RNF6: variants seen among roughly 807,000 people sequenced by gnomAD.
RNF6 encodes the protein ring finger protein 6.
RNF6 carries 21 observed loss-of-function variants against 50.1 expected under a neutral mutation model. The ratio of observed to expected loss-of-function variants is 0.42; its 90% CI spans 0.30 to 0.60. The LOEUF is 0.60. RNF6 is among the 20% of genes least tolerant of loss of function. The pLI is 0.20. For missense variants in RNF6, 698 were observed against 838.2 expected (o/e 0.83, Z 2.07); for synonymous variants, 255 against 291.8 (o/e 0.87, Z 1.29).
intron 5 of RNF6, among the ~76,000 whole-genome samples, chr13:26,194,946 G>A (rs1868597111): frequency 6.6e-6 from 1 of 152,166 alleles, no homozygotes; most frequent in Non-Finnish European, 1.5e-5. Flanking sequence ...GGACTCAAAT[G>A]TTAATCTCCT....
intron 5 of RNF6, among the ~76,000 whole-genome samples, chr13:26,187,788 A>G (rs1873626522): frequency 6.6e-6 from 1 of 152,112 alleles, no homozygotes; most frequent in Non-Finnish European, 1.5e-5. Context: ...CAGTGGTGCA[A>G]TCTTAGCTCA....
chr13:26,211,705 C>G (rs1032098172), downstream of RNF6, among the ~76,000 whole-genome samples: 4 of 151,906 alleles, frequency 2.6e-5, no homozygotes, highest in African/African-American at 9.7e-5. Context: ...TTGCAGCGAG[C>G]CGAGATAGTG....
At position 26,221,345 on chromosome 13, in the gene RNF6, G is replaced by A. The variant is rs1369432355; in HGVS notation, c.-101-15C>T. ...GAGCTGCCCATCTGAAGCAATAAAA[G>A]AGAGTTGAATAATTCAATAAACTGT... On this transcript the variant is annotated splice_polypyrimidine_tract_variant and intron_variant, in intron 1 of 4. Transcript: ENST00000381588. 7 of 152,298 alleles carry A rather than the reference G, an allele frequency of 4.6e-5. No homozygotes were observed. The East Asian group carries it at 9.6e-4, about 21-fold the overall frequency. The allele number at this position is 152,298 out of a possible 1,614,324, so 9.4% of individuals were successfully genotyped here. A position where few individuals can be genotyped will look rare whatever the true frequency, so the allele number is the denominator to read the frequency against.
At chr13:26,160,389 A>G (rs142582599) in intron 5 of RNF6, among the ~76,000 whole-genome samples, 1 of 151,934 alleles carries the variant, frequency 6.6e-6, no homozygotes, top group Admixed American at 6.6e-5. Context: ...TTCTTCTACT[A>G]CCTATTTTTT....
In RNF6 at chr13:26,219,177, G is replaced by A. The variant is rs771348592; in HGVS notation, c.193+280C>T. ...TTTATTTGTATAAAAATTACAAATAGGACCATATATGTAAATACTTAACAC... is the reference window on the plus strand; with the variant it reads ...TTTATTTGTATAAAAATTACAAATAAGACCATATATGTAAATACTTAACAC... On this transcript the variant is annotated intron_variant, in intron 3 of 4. Coordinates refer to ENST00000381588, the MANE Select transcript of RNF6 (RefSeq NM_005977.4). 4 of 246,438 alleles carry A rather than the reference G, an allele frequency of 1.6e-5. No homozygotes were observed. In the East Asian group the frequency reaches 3.2e-4, roughly 20 times the overall value. The allele number at this position is 246,438 out of a possible 1,614,324, so 15.3% of individuals were successfully genotyped here.
chr13:26,200,105 C>A (rs1868839195), intron 5 of RNF6, among the ~76,000 whole-genome samples: 1 of 152,218 alleles, frequency 6.6e-6, no homozygotes, highest in Admixed American at 6.5e-5. Context: ...ACTTCCCGAC[C>A]TCCAGAACTG....
chr13:26,199,733 A>G (rs1868822270), intron 5 of RNF6, among the ~76,000 whole-genome samples: 1 of 152,192 alleles, frequency 6.6e-6, no homozygotes, highest in Non-Finnish European at 1.5e-5. Flanking sequence ...ATGGGGTAAA[A>G]TGGGCAAGGA....
At chr13:26,141,265 TA>T (rs1451186305) in intron 5 of RNF6, among the ~76,000 whole-genome samples, 1 of 151,848 alleles carries the variant, frequency 6.6e-6, no homozygotes, top group Non-Finnish European at 1.5e-5. Flanking sequence ...CCATCTCTAC[TA>T]AAAATACAAA....
At chr13:26,194,423 T>C (rs1329840868) in intron 5 of RNF6, among the ~76,000 whole-genome samples, 1 of 152,138 alleles carries the variant, frequency 6.6e-6, no homozygotes, top group Non-Finnish European at 1.5e-5. Flanking sequence ...TCCAGAGGCA[T>C]AGGCTCGCTA....
intron 5 of RNF6, among the ~76,000 whole-genome samples, chr13:26,132,994 C>T (rs1335703257): frequency 6.6e-6 from 1 of 152,082 alleles, no homozygotes; most frequent in Non-Finnish European, 1.5e-5. Flanking sequence ...AGAGATCAGA[C>T]TTTGAAAACC....
At chr13:26,218,653 T>C in intron 3 of RNF6, 47 bp from the exon 4 acceptor site, 2 of 1,433,068 alleles carry the variant, frequency 1.4e-6, no homozygotes, top group Non-Finnish European at 9.8e-7. Flanking sequence ...AATTAAGTTT[T>C]ATGAGACCTC....
At chr13:26,149,533 G>T (rs1871442088) in intron 5 of RNF6, among the ~76,000 whole-genome samples, 1 of 151,822 alleles carries the variant, frequency 6.6e-6, no homozygotes, top group Non-Finnish European at 1.5e-5. Context: ...CTTGCAGTGA[G>T]CCGAAATTGT....
At chr13:26,173,353 A>C (rs544989186) in intron 5 of RNF6, among the ~76,000 whole-genome samples, 1 of 152,340 alleles carries the variant, frequency 6.6e-6, no homozygotes, top group East Asian at 1.9e-4. Context: ...AACCCACATA[A>C]AATCATATAG....
At chr13:26,176,034 T>G (rs1872942588) in intron 5 of RNF6, among the ~76,000 whole-genome samples, 1 of 152,140 alleles carries the variant, frequency 6.6e-6, no homozygotes, top group Non-Finnish European at 1.5e-5. Flanking sequence ...ATCAACTCTT[T>G]ACAAGTAAAT....
rs1871396972 is a variant in RNF6, at chr13:26,148,689, G to T, written n.769-16238C>A. On this transcript the variant is annotated intron_variant and non_coding_transcript_variant, in intron 5 of 5. Coordinates refer to the RNF6 transcript ENST00000468480. The stretch of plus-strand genomic sequence containing the variant: ...ATATATATGAGGGAGATATATATGT[G>T]TAAATATATAAAATATATATAATAA... Among the ~76,000 whole-genome samples the T allele has an allele frequency of 2.6e-5, 3 of 115,792 alleles. No individual in the cohort carries two copies. In the South Asian group the frequency reaches 8.0e-4, roughly 31 times the overall value. The allele number at this position is 115,792 out of a possible 152,430, so 76.0% of individuals were successfully genotyped here.
intron 5 of RNF6, chr13:26,150,805 T>C (rs1439081339): frequency 6.6e-6 from 1 of 152,204 alleles, no homozygotes; most frequent in East Asian, 1.9e-4. Context: ...ACAGTAAACT[T>C]ACTTAATCTT....
intron 5 of RNF6, among the ~76,000 whole-genome samples, chr13:26,202,896 A>G (rs1194357821): frequency 3.3e-5 from 5 of 152,234 alleles, no homozygotes; most frequent in African/African-American, 1.2e-4. Context: ...TAAGCTCAAG[A>G]CTGGATACAA....
At chr13:26,133,669 T>C (rs112644265) in intron 5 of RNF6, among the ~76,000 whole-genome samples, 19 of 152,332 alleles carry the variant, frequency 1.2e-4, no homozygotes, top group African/African-American at 3.8e-4. Flanking sequence ...AATTTCTAGC[T>C]GGATGTTTCT....
At chr13:26,142,262 A>G (rs1870997344) in intron 5 of RNF6, 1 of 152,182 alleles carries the variant, frequency 6.6e-6, no homozygotes, top group South Asian at 2.1e-4. Context: ...AAAAGGGAAC[A>G]CACTTATACA....
Sources: allele counts gnomAD v4.1 joint callset (sites outside exome capture counted in the v4.1 genomes callset), GRCh38; gene constraint gnomAD v4.1.1; transcripts MANE v1.5; gene names NCBI Gene and HGNC (gene_info 2026-07-23, HGNC 2026-07-21).